Variants in ATP6V1C1 observed in about 807,000 individuals in gnomAD.
ATP6V1C1 encodes the protein ATPase H+ transporting V1 subunit C1.
Under a neutral mutation model 53.9 loss-of-function variants are expected in ATP6V1C1, and 45 were observed. That is an observed-to-expected ratio of 0.83 (90% CI 0.66 to 1.07). The LOEUF is 1.07. ATP6V1C1 is among the 50% of genes least tolerant of loss of function. The pLI is 0.00. For synonymous variants in ATP6V1C1, 153 were observed against 155.2 expected (o/e 0.99, Z 0.11); for missense variants, 315 against 440.3 (o/e 0.72, Z 2.55).
chr8:103,032,603 A>G (rs1816818862), intron 1 of ATP6V1C1, among the ~76,000 whole-genome samples: 2 of 151,692 alleles, frequency 1.3e-5, no homozygotes, highest in Non-Finnish European at 2.9e-5. Context: ...TCAGCCTCAT[A>G]TGTAGCTGGG....
At chr8:103,042,309 CCA>C in intron 2 of ATP6V1C1, 29 bp from the exon 3 acceptor site, 2 of 1,589,092 alleles carry the variant, frequency 1.3e-6, no homozygotes, top group Middle Eastern at 1.7e-4. Flanking sequence ...AAAAAGCATG[CCA>C]CCTAAATAAC....
Position 103,042,411 on chromosome 8 carries a change from A to G in ATP6V1C1, c.200+4A>G, listed in dbSNP as rs963342444. 2.5e-6 allele frequency: 4 copies of G among 1,613,482 alleles called. No homozygotes were observed. The highest frequency in any genetic ancestry group is 1.7e-5 in the Admixed American group (1 of 59,988). ...AACTGGATGCATTTGTAGAAGGGTA[A>G]TGTACTTATATGCATGGAGTAGAGC... On this transcript the variant is annotated splice_donor_region_variant and intron_variant, in intron 3 of 12. Coordinates refer to ENST00000518738, the MANE Select transcript of ATP6V1C1 (RefSeq NM_001695.5).
intron 1 of ATP6V1C1, among the ~76,000 whole-genome samples, chr8:103,033,198 G>A (rs1816829017): frequency 6.6e-6 from 1 of 152,178 alleles, no homozygotes; most frequent in Non-Finnish European, 1.5e-5. Flanking sequence ...GGATTGACTG[G>A]ACTGAGTGTG....
intron 6 of ATP6V1C1, 134 bp from the exon 7 acceptor site, chr8:103,053,750 A>G (rs990046482): frequency 7.9e-6 from 5 of 628,950 alleles, no homozygotes; most frequent in South Asian, 6.4e-5. Flanking sequence ...CTTCTTACAA[A>G]GTAAAAATGT....
Position 103,040,852 on chromosome 8 carries a change from C to A in ATP6V1C1, c.16C>A (p.Leu6Ile). The A allele has an allele frequency of 6.2e-7, 1 of 1,613,984 alleles. No individual in the cohort carries two copies. Among genetic ancestry groups the A allele is most frequent in the South Asian group, 1.1e-5 (1 of 91,072 alleles). ...AGTAACAAACATGACTGAGTTCTGG[C>A]TTATATCTGCTCCTGGGGAGAAAAC... The part of the protein sequence containing the change: MTEFW[L>I]ISAPGEKTCQ... The change falls in exon 2 of 13, where the codon CTT becomes ATT. Residue 6 changes from leucine (L) to isoleucine (I), a missense_variant. By Grantham distance (5) the Leu-to-Ile change is conservative (BLOSUM62 2). Coordinates refer to ENST00000518738, the MANE Select transcript of ATP6V1C1 (RefSeq NM_001695.5).
At chr8:103,064,870 A>G (rs1817461993) in intron 11 of ATP6V1C1, 59 bp downstream of exon 11, 17 of 1,464,658 alleles carry the variant, frequency 1.2e-5, no homozygotes, top group Non-Finnish European at 1.6e-5. Context: ...CTTACATTGG[A>G]CCTCTTTATT....
At position 103,051,059 on chromosome 8, in the gene ATP6V1C1, T is replaced by C; in HGVS notation, c.296T>C (p.Val99Ala). The C allele has an allele frequency of 6.2e-7, 1 of 1,600,164 alleles. No individual in the cohort carries two copies. Among genetic ancestry groups the C allele is most frequent in the African/African-American group, 1.3e-5 (1 of 74,686 alleles). ...ENLLANGVDL[V>A]TYITRFQWDM... ...TATTCCCTTATTTCAGTGGACTTGGTTACTTATATAACAAGGTTCCAGTGG... is the reference window on the plus strand; with the variant it reads ...TATTCCCTTATTTCAGTGGACTTGGCTACTTATATAACAAGGTTCCAGTGG... Residue 99 changes from valine (V) to alanine (A), a missense_variant, in exon 5 of 13, where the codon GTT becomes GCT. Transcript: ENST00000518738.
chr8:103,072,200 C>A lies in ATP6V1C1; in HGVS notation c.*3453C>A, dbSNP rs1354964653. On this transcript the variant is annotated 3_prime_UTR_variant, in exon 13 of 13. Transcript: ENST00000518738. ...TTGAATGAGTGCATATCCAGTAGTA[C>A]CTTTAAAGTAACACTTTGTACATAA... The A allele has an allele frequency of 6.6e-6, 1 of 152,184 alleles. No individual in the cohort carries two copies. Among genetic ancestry groups the A allele is most frequent in the Non-Finnish European group, 1.5e-5 (1 of 68,032 alleles). 9.4% of individuals were successfully genotyped at this position (152,184 alleles called of 1,614,324 possible).
At chr8:103,058,554 C>G (rs940249116) in intron 8 of ATP6V1C1, among the ~76,000 whole-genome samples, 1 of 152,122 alleles carries the variant, frequency 6.6e-6, no homozygotes, top group African/African-American at 2.4e-5. Context: ...TTACTGTGAG[C>G]TAGTCTTTGT....
In ATP6V1C1 at chr8:103,040,779, T is replaced by A. The variant is rs894724832; in HGVS notation, c.-39-19T>A. On this transcript the variant is annotated intron_variant, in intron 1 of 12. Transcript: ENST00000518738. ...AAATGATTTTAAATGTGATTTTTTT[T>A]ATTTGTTTTACATTTCAGAATCTCT... 1.2e-4 allele frequency: 186 copies of A among 1,561,620 alleles called. No homozygotes were observed. Among genetic ancestry groups the A allele is most frequent in the African/African-American group, 5.8e-4 (42 of 72,478 alleles).
intron 2 of ATP6V1C1, 104 bp downstream of exon 2, chr8:103,041,072 C>T (rs1816992032): frequency 3.9e-6 from 5 of 1,291,488 alleles, no homozygotes; most frequent in Admixed American, 2.7e-5. Flanking sequence ...CCAAAGAAAA[C>T]CTCCTCTCCA....
chr8:103,025,491 T>A (rs1242762268), intron 1 of ATP6V1C1, among the ~76,000 whole-genome samples: 6 of 152,256 alleles, frequency 3.9e-5, no homozygotes, highest in African/African-American at 1.4e-4. Context: ...AAACTGCATA[T>A]AATGGAATTC....
In ATP6V1C1 at chr8:103,052,793, A is replaced by G; in HGVS notation, c.444A>G (p.Gly148=). 2 of 1,598,922 alleles carry G rather than the reference A, an allele frequency of 1.3e-6. No individual in the cohort carries two copies. The highest frequency in any genetic ancestry group is 1.7e-6 in the Non-Finnish European group (2 of 1,173,666). Residue 148 remains glycine (G), a synonymous_variant, in exon 6 of 13, where the codon GGA becomes GGG. Coordinates refer to ENST00000518738, the MANE Select transcript of ATP6V1C1 (RefSeq NM_001695.5). ...CATCTGCATACAATAACCTGAAAGG[A>G]AATCTTCAGAATTTGGAACGAAAGA... is the stretch of plus-strand genomic sequence containing the variant. The part of the protein sequence containing the change: ...SRASAYNNLK[G]NLQNLERKNA...
chr8:103,050,939 A>G lies in ATP6V1C1; in HGVS notation c.287-111A>G, dbSNP rs1019484160. 3 of 708,848 alleles carry G rather than the reference A, an allele frequency of 4.2e-6. No individual in the cohort carries two copies. The African/African-American group carries it at 5.4e-5, about 13-fold the overall frequency. The allele number at this position is 708,848 out of a possible 1,614,324, so 43.9% of individuals were successfully genotyped here. On this transcript the variant is annotated intron_variant, in intron 4 of 12. Transcript: ENST00000518738. Reference sequence around the variant, plus strand: ...TTAATCAGGATTCTTCAGAAATGACATCTTTGCTGATTTCCTCAATGCCAA... The same window carrying G: ...TTAATCAGGATTCTTCAGAAATGACGTCTTTGCTGATTTCCTCAATGCCAA...
chr8:103,023,633 A>G (rs1816638472), intron 1 of ATP6V1C1, among the ~76,000 whole-genome samples: 1 of 152,224 alleles, frequency 6.6e-6, no homozygotes, highest in Admixed American at 6.5e-5. Flanking sequence ...TTTTATTGAA[A>G]TATAGTTACA....
intron 5 of ATP6V1C1, among the ~76,000 whole-genome samples, chr8:103,051,766 CA>C (rs1038095681): frequency 1.1e-4 from 16 of 151,970 alleles, no homozygotes; most frequent in Admixed American, 5.9e-4. Context: ...TTTTTCCCCC[CA>C]AGATCTGTTT....
chr8:103,057,830 G>GT (rs963146998), intron 8 of ATP6V1C1, among the ~76,000 whole-genome samples: 83 of 148,730 alleles, frequency 5.6e-4, no homozygotes, highest in Middle Eastern at 7.0e-3. Flanking sequence ...CATCATGAAT[G>GT]TTTTTTTTTT....
chr8:103,055,241 G>A lies in ATP6V1C1; in HGVS notation c.573-627G>A, dbSNP rs551249560. ...AAATTTTTACAGTTTTCTGTACCTT[G>A]TAATTGAAACATAGGACCTAGGACA... On this transcript the variant is annotated intron_variant, in intron 7 of 12. Coordinates refer to ENST00000518738, the MANE Select transcript of ATP6V1C1 (RefSeq NM_001695.5). Among the ~76,000 whole-genome samples the A allele has an allele frequency of 1.3e-4, 20 of 152,198 alleles. No individual in the cohort carries two copies. The South Asian group carries it at 2.9e-3, about 22-fold the overall frequency.
chr8:103,028,162 G>C (rs1028675421), intron 1 of ATP6V1C1, among the ~76,000 whole-genome samples: 3 of 152,186 alleles, frequency 2.0e-5, no homozygotes, highest in Non-Finnish European at 4.4e-5. Flanking sequence ...GATGGACTTA[G>C]TTGGGAAAAT....
Sources: allele counts gnomAD v4.1 joint callset (sites outside exome capture counted in the v4.1 genomes callset), GRCh38; gene constraint gnomAD v4.1.1; transcripts MANE v1.5; gene names NCBI Gene and HGNC (gene_info 2026-07-23, HGNC 2026-07-21).